PCDHGA4: variants seen among roughly 807,000 people sequenced by gnomAD.
PCDHGA4 encodes protocadherin gamma subfamily A, 4.
Under a neutral mutation model 54.6 loss-of-function variants are expected in PCDHGA4, and 38 were observed. The ratio of observed to expected loss-of-function variants is 0.70; its 90% CI spans 0.54 to 0.91. The LOEUF is 0.91. Ranked by LOEUF, PCDHGA4 falls within the 40% of genes least tolerant of loss-of-function variation. The probability of loss-of-function intolerance (pLI) is 0.00; values close to 1 mark genes in which losing one functional copy is unlikely to be tolerated. For missense variants in PCDHGA4, 1,298 were observed against 1,220.9 expected (o/e 1.06, Z -0.94); for synonymous variants, 511 against 512.9 (o/e 1.00, Z 0.05).
At chr5:141,475,657 C>T (rs2099366732) in intron 1 of PCDHGA4, among the ~76,000 whole-genome samples, 1 of 152,204 alleles carries the variant, frequency 6.6e-6, no homozygotes, top group Non-Finnish European at 1.5e-5. Flanking sequence ...GAAAGTGATT[C>T]AAATGTTTAA....
At chr5:141,409,936 A>G in intron 1 of PCDHGA4, 2 of 1,613,064 alleles carry the variant, frequency 1.2e-6, no homozygotes, top group Non-Finnish European at 1.7e-6. Context: ...TCGATATGGT[A>G]CCTCGCTCTG....
intron 1 of PCDHGA4, among the ~76,000 whole-genome samples, chr5:141,437,036 G>A (rs916860661): frequency 6.6e-6 from 1 of 152,294 alleles, no homozygotes; most frequent in Middle Eastern, 3.4e-3. Flanking sequence ...ATGGATCACC[G>A]AAACCAGAAG....
chr5:141,452,641 CT>C (rs1351640847), intron 1 of PCDHGA4, among the ~76,000 whole-genome samples: 3 of 151,934 alleles, frequency 2.0e-5, no homozygotes, highest in Admixed American at 1.3e-4. Flanking sequence ...AATATATTTA[CT>C]CATTTGCTCC....
intron 1 of PCDHGA4, among the ~76,000 whole-genome samples, chr5:141,445,793 CAG>C (rs1466260011): frequency 6.6e-6 from 1 of 152,132 alleles, no homozygotes; most frequent in Admixed American, 6.5e-5. Context: ...AGGCTAGAAA[CAG>C]AAAATAAATA....
chr5:141,511,695 C>A lies in PCDHGA4; in HGVS notation c.*522C>A, dbSNP rs1009832192. The A allele has an allele frequency of 9.7e-5, 19 of 195,544 alleles. No individual in the cohort carries two copies. The highest frequency in any genetic ancestry group is 1.7e-4 in the Non-Finnish European group (16 of 92,634). 12.1% of individuals were successfully genotyped at this position (195,544 alleles called of 1,614,324 possible). A position where few individuals can be genotyped will look rare whatever the true frequency, so the allele number is the denominator to read the frequency against. On this transcript the variant is annotated 3_prime_UTR_variant, in exon 4 of 4. Transcript: ENST00000571252. ...CTTCCCCCAAAGCATGGTTTGGTGC[C>A]AGCCCCTTCACCTCCTTCCAGAGCC...
At chr5:141,415,396 G>C (rs11575962) in intron 1 of PCDHGA4, 2 of 1,614,204 alleles carry the variant, frequency 1.2e-6, no homozygotes, top group Non-Finnish European at 1.7e-6. Flanking sequence ...AGGTGTGTCC[G>C]GCTCGCACTT....
At chr5:141,481,703 C>T (rs909197135) in intron 1 of PCDHGA4, among the ~76,000 whole-genome samples, 1 of 152,090 alleles carries the variant, frequency 6.6e-6, no homozygotes, top group Admixed American at 6.5e-5. Context: ...CCTGTAATCC[C>T]AGCACTTTGG....
At chr5:141,389,861 C>T in intron 1 of PCDHGA4, 1 of 1,614,062 alleles carries the variant, frequency 6.2e-7, no homozygotes, top group South Asian at 1.1e-5. Context: ...CCACGTTGCA[C>T]CTGGTCTTCG....
intron 1 of PCDHGA4, chr5:141,404,430 A>G (rs917902438): frequency 6.2e-7 from 1 of 1,613,298 alleles, no homozygotes; most frequent in African/African-American, 1.3e-5. Context: ...TCCTTGGCAG[A>G]GGATACCATC....
chr5:141,410,063 C>A lies in PCDHGA4; in HGVS notation c.2514+52442C>A. 1.9e-6 allele frequency: 3 copies of A among 1,612,972 alleles called. No homozygotes were observed. The South Asian group carries it at 3.3e-5, about 18-fold the overall frequency. On this transcript the variant is annotated intron_variant, in intron 1 of 3. Coordinates refer to ENST00000571252, the MANE Select transcript of PCDHGA4 (RefSeq NM_018917.4). ...TGAGCCCGGACTCTTCAGCCTGGGG[C>A]TGCGCACTGGGGAGGTGCGCACGGC...
chr5:141,495,010 G>A (rs1327870362), intron 2 of PCDHGA4, 145 bp downstream of exon 2: 6 of 1,516,970 alleles, frequency 4.0e-6, no homozygotes, highest in Non-Finnish European at 5.3e-6. Context: ...GTGTGCGGGG[G>A]GCTGGCACAC....
In PCDHGA4 at chr5:141,413,958, G is replaced by A. The variant is rs774080265; in HGVS notation, c.2514+56337G>A. On this transcript the variant is annotated intron_variant, in intron 1 of 3. Coordinates refer to ENST00000571252, the MANE Select transcript of PCDHGA4 (RefSeq NM_018917.4). ...TGAGTGTTCCTGAGAATTTGCCTGT[G>A]GGCACTCAGCTGCTGACAGTCACAG... The A allele has an allele frequency of 5.0e-6, 8 of 1,613,276 alleles. No individual in the cohort carries two copies. In the South Asian group the frequency reaches 6.6e-5, roughly 13 times the overall value.
At chr5:141,399,515 C>G (rs748098945) in intron 1 of PCDHGA4, 1 of 1,614,040 alleles carries the variant, frequency 6.2e-7, no homozygotes, top group Non-Finnish European at 8.5e-7. Context: ...AACAACCCTC[C>G]TGGGGCCTCC....
chr5:141,356,699 C>G lies in PCDHGA4; in HGVS notation c.1592C>G (p.Pro531Arg), dbSNP rs1303768653. 6.2e-7 allele frequency: 1 copy of G among 1,613,914 alleles called. No homozygotes were observed. Among genetic ancestry groups the G allele is most frequent in the Non-Finnish European group, 8.5e-7 (1 of 1,179,902 alleles). ...SLAEDTFQGA[P>R]LSSYVSINSN... ...GCCGAAGACACCTTCCAGGGTGCAC[C>G]TCTGTCCTCCTATGTCTCCATCAAC... The change falls in exon 1 of 4, where the codon CCT becomes CGT. Residue 531 changes from proline to arginine, a missense_variant. Coordinates refer to ENST00000571252, the MANE Select transcript of PCDHGA4 (RefSeq NM_018917.4).
intron 1 of PCDHGA4, among the ~76,000 whole-genome samples, chr5:141,464,715 T>C (rs1013508667): frequency 2.0e-5 from 3 of 152,090 alleles, no homozygotes; most frequent in Admixed American, 2.0e-4. Flanking sequence ...AAATAGTTTT[T>C]CATATGTTTA....
chr5:141,436,840 C>T (rs1195342311), intron 1 of PCDHGA4, among the ~76,000 whole-genome samples: 1 of 152,220 alleles, frequency 6.6e-6, no homozygotes, highest in Admixed American at 6.5e-5. Flanking sequence ...TGCCTAGGCA[C>T]ATTCTTGATT....
intron 3 of PCDHGA4, among the ~76,000 whole-genome samples, chr5:141,509,015 C>T (rs1370464396): frequency 6.6e-6 from 1 of 152,098 alleles, no homozygotes; most frequent in East Asian, 1.9e-4. Flanking sequence ...AAGTGGGCAG[C>T]TGCTCCCTCC....
At chr5:141,376,952 G>T (rs1773571680) in intron 1 of PCDHGA4, 1 of 165,710 alleles carries the variant, frequency 6.0e-6, no homozygotes, top group African/African-American at 2.4e-5. Flanking sequence ...CTCCCAAAGT[G>T]CTGGGATTAC....
At chr5:141,426,665 T>A in intron 1 of PCDHGA4, 1 of 429,940 alleles carries the variant, frequency 2.3e-6, no homozygotes, top group South Asian at 1.6e-5. Context: ...ATATAAATGA[T>A]AACCCACCTC....
Sources: gnomAD v4.1 joint callset for allele counts (sites outside exome capture counted in the v4.1 genomes callset) on GRCh38, gnomAD v4.1.1 for gene constraint, MANE v1.5 for transcripts, NCBI Gene and HGNC (gene_info 2026-07-23, HGNC 2026-07-21) for gene names.